RECQL: variants seen among roughly 807,000 people sequenced by gnomAD.
The protein encoded by RECQL is RecQ like helicase, also known as ATP-dependent DNA helicase Q1.
Under a neutral mutation model 75.8 loss-of-function variants are expected in RECQL, and 73 were observed. The observed-to-expected ratio is 0.96, with a 90% CI of 0.80 to 1.17. The LOEUF is 1.17. Ranked by LOEUF, RECQL falls within the 50% of genes most tolerant of loss-of-function variation. The pLI is 0.00. For missense variants in RECQL, 699 were observed against 772.1 expected (o/e 0.91, Z 1.12); for synonymous variants, 248 against 254.4 (o/e 0.97, Z 0.24).
chr12:21,486,555 G>C lies in RECQL; in HGVS notation c.425C>G (p.Ser142Cys). 1 of 1,555,254 alleles carries C rather than the reference G, an allele frequency of 6.4e-7. No individual in the cohort carries two copies. The change falls in exon 5 of 15, where the codon TCT becomes TGT. Residue 142 changes from serine (S) to cysteine (C), a missense_variant. Physicochemically the swap from Ser to Cys is moderately radical, Grantham distance 112 (BLOSUM62 -1). Coordinates refer to ENST00000444129, the MANE Select transcript of RECQL (RefSeq NM_002907.4). ...GFTLVICPLI[S>C]LMEDQLMVLK... ...AACCATTAATTGGTCTTCCATAAGA[G>C]AGATCAATGGGCAAATGACGAGTGT...
intron 2 of RECQL, among the ~76,000 whole-genome samples, chr12:21,492,565 C>G (rs898846012): frequency 5.3e-5 from 8 of 152,186 alleles, no homozygotes; most frequent in Non-Finnish European, 1.2e-4. Flanking sequence ...TTGTATCAAC[C>G]CTTCCCTACA....
chr12:21,469,828 G>T lies in RECQL; in HGVS notation c.*366C>A, dbSNP rs967158581. Reference sequence around the variant, plus strand: ...CATATTTAACTTAAAGTATCACTCAGTGAGCCTCTGTCAGTATAATATTGC... The same window carrying T: ...CATATTTAACTTAAAGTATCACTCATTGAGCCTCTGTCAGTATAATATTGC... On this transcript the variant is annotated 3_prime_UTR_variant, in exon 15 of 15. Transcript: ENST00000444129. 5.2e-5 allele frequency: 9 copies of T among 171,766 alleles called. No individual in the cohort carries two copies. The highest frequency in any genetic ancestry group is 1.3e-4 in the South Asian group (1 of 7,560). 10.6% of individuals were successfully genotyped at this position (171,766 alleles called of 1,614,324 possible).
intron 1 of RECQL, 122 bp from the exon 2 acceptor site, chr12:21,499,737 C>T: frequency 1.9e-6 from 1 of 523,580 alleles, no homozygotes; most frequent in Non-Finnish European, 3.4e-6. Flanking sequence ...TTATATATTG[C>T]AGTGACCTTT....
In RECQL at chr12:21,483,382, T is replaced by C. The variant is rs747710330; in HGVS notation, c.694A>G (p.Arg232Gly). The stretch of plus-strand genomic sequence containing the variant: ...CTAGATAAAACATACATACCAGGTC[T>C]GAAATCATGTCCCCACTGACTACAG... The part of the protein sequence containing the change: ...HCCSQWGHDF[R>G]PDYKALGILK... The change falls in exon 6 of 15, where the codon AGA becomes GGA. Residue 232 changes from arginine (R) to glycine (G), a missense_variant. Physicochemically the swap from Arg to Gly is moderately radical, Grantham distance 125 (BLOSUM62 -2). Transcript: ENST00000444129. The C allele has an allele frequency of 1.2e-6, 2 of 1,600,782 alleles. No individual in the cohort carries two copies. The highest frequency in any genetic ancestry group is 1.7e-6 in the Non-Finnish European group (2 of 1,175,554).
chr12:21,499,173 A>C (rs1943559800), intron 2 of RECQL, among the ~76,000 whole-genome samples: 1 of 152,240 alleles, frequency 6.6e-6, no homozygotes, highest in African/African-American at 2.4e-5. Context: ...ACAAAAGGAC[A>C]AATGTTATAT....
chr12:21,496,902 T>C (rs1943518973), intron 2 of RECQL, among the ~76,000 whole-genome samples: 2 of 152,188 alleles, frequency 1.3e-5, no homozygotes, highest in South Asian at 2.1e-4. Context: ...CATTGAGCCA[T>C]ATGACCCAAC....
At chr12:21,482,361 AAGTACAAG>A (rs1463524058) in intron 6 of RECQL, among the ~76,000 whole-genome samples, 29 of 152,298 alleles carry the variant, frequency 1.9e-4, no homozygotes, top group African/African-American at 6.7e-4. Context: ...AGCATCTGCT[AAGTACAAG>A]TTAGGGCCTG....
chr12:21,480,281 T>C (rs1943168009), intron 6 of RECQL, among the ~76,000 whole-genome samples: 1 of 152,170 alleles, frequency 6.6e-6, no homozygotes, highest in Non-Finnish European at 1.5e-5. Context: ...ATTTGATGTG[T>C]ATTTAGAAAA....
At position 21,475,686 on chromosome 12, in the gene RECQL, T is replaced by C. The variant is rs138663409; in HGVS notation, c.1088A>G (p.Asn363Ser). 355 of 1,613,358 alleles carry C rather than the reference T, an allele frequency of 2.2e-4. 1 individual carries two copies. The East Asian group carries it at 4.6e-3, about 21-fold the overall frequency. ...KTTVHRKWSA[N>S]EIQVVVATVA... ...AGATATAGACCTAACCTGAATTTCA[T>C]TGGCTGACCATTTTCTATGAACTGT... Residue 363 changes from asparagine to serine, a missense_variant, in exon 9 of 15, where the codon AAT becomes AGT. This residue lies in a region of RECQL where 669 missense variants were observed against 713.5 expected (regional missense o/e 0.94). Transcript: ENST00000444129.
At chr12:21,487,757 T>C (rs539143027) in intron 4 of RECQL, among the ~76,000 whole-genome samples, 70 of 152,276 alleles carry the variant, frequency 4.6e-4, no homozygotes, top group African/African-American at 1.7e-3. Context: ...TCTGCTTTCA[T>C]AAGTGGGATT....
chr12:21,477,833 A>G lies in RECQL; in HGVS notation c.837T>C (p.Ala279=). The change falls in exon 7 of 15, where the codon GCT becomes GCC. Residue 279 remains alanine (A), a synonymous_variant. Coordinates refer to ENST00000444129, the MANE Select transcript of RECQL (RefSeq NM_002907.4). The stretch of plus-strand genomic sequence containing the variant: ...AATATAGATTTGGCCTATTAAAAGA[A>G]GCTGTAAAAGTAAAACACTTTTCAA... ...LCIEKCFTFT[A]SFNRPNLYYE... is the part of the protein sequence containing the mutation. The G allele has an allele frequency of 6.2e-7, 1 of 1,613,104 alleles. No homozygotes were observed. The highest frequency in any genetic ancestry group is 8.5e-7 in the Non-Finnish European group (1 of 1,179,612).
At chr12:21,494,669 G>A (rs918033987) in intron 2 of RECQL, among the ~76,000 whole-genome samples, 11 of 152,204 alleles carry the variant, frequency 7.2e-5, no homozygotes, top group Non-Finnish European at 2.9e-5. Flanking sequence ...CAGAGTGGAA[G>A]ATCAAATAGA....
In RECQL at chr12:21,483,438, A is replaced by T; in HGVS notation, c.638T>A (p.Phe213Tyr). The T allele has an allele frequency of 2.5e-6, 4 of 1,606,522 alleles. No homozygotes were observed. Among genetic ancestry groups the T allele is most frequent in the Non-Finnish European group, 3.4e-6 (4 of 1,177,952 alleles). ...AACTTCATCCACAGCAATTCGAGTA[A>T]ATCTCCTTGCTTCATAGGCTTTCTC... ...RLEKAYEARR[F>Y]TRIAVDEVHC... Residue 213 changes from phenylalanine to tyrosine, a missense_variant, in exon 6 of 15, where the codon TTT becomes TAT. Around this residue, in one of 2 missense-constraint regions of RECQL, gnomAD observed 669 missense variants for 713.5 expected, o/e 0.94. Transcript: ENST00000444129.
At chr12:21,478,303 C>G (rs1006548987) in intron 6 of RECQL, among the ~76,000 whole-genome samples, 1 of 152,126 alleles carries the variant, frequency 6.6e-6, no homozygotes, top group African/African-American at 2.4e-5. Flanking sequence ...GTAAGGGCGG[C>G]ACTGCTTTGT....
intron 10 of RECQL, 144 bp downstream of exon 10, chr12:21,475,324 C>CAAGT: frequency 1.7e-6 from 1 of 581,230 alleles, no homozygotes; most frequent in South Asian, 2.6e-5. Flanking sequence ...TCTCCATATG[C>CAAGT]AAGTAAGTGT....
intron 2 of RECQL, among the ~76,000 whole-genome samples, chr12:21,492,759 C>T (rs1943437409): frequency 6.6e-6 from 1 of 152,236 alleles, no homozygotes; most frequent in Non-Finnish European, 1.5e-5. Context: ...GTTCCCCCAG[C>T]TCCTGCTAAA....
chr12:21,488,714 A>T (rs1943352944), intron 4 of RECQL, among the ~76,000 whole-genome samples: 1 of 152,148 alleles, frequency 6.6e-6, no homozygotes, highest in Admixed American at 6.6e-5. Context: ...CCAAGCAATA[A>T]ATACCAAGTC....
intron 5 of RECQL, 94 bp from the exon 6 acceptor site, chr12:21,483,668 C>T: frequency 3.4e-6 from 3 of 874,542 alleles, no homozygotes; most frequent in Non-Finnish European, 5.2e-6. Flanking sequence ...TTCTCCAAAG[C>T]AATAATAGCC....
chr12:21,491,802 A>C, intron 2 of RECQL, 86 bp from the exon 3 acceptor site: 1 of 1,208,940 alleles, frequency 8.3e-7, no homozygotes, highest in South Asian at 1.5e-5. Context: ...GTTGCCCGCC[A>C]TATCAATTAC....
Sources: allele counts gnomAD v4.1 joint callset (sites outside exome capture counted in the v4.1 genomes callset), GRCh38; gene constraint gnomAD v4.1.1; regional missense constraint gnomAD v4.1.1; transcripts MANE v1.5; gene names NCBI Gene and HGNC (gene_info 2026-07-23, HGNC 2026-07-21).